The following SHISA7 variants were observed in gnomAD, a reference collection of about 807,000 sequenced individuals.
SHISA7 encodes the protein shisa family member 7.
SHISA7 carries 6 observed loss-of-function variants against 23.9 expected under a neutral mutation model. That is an observed-to-expected ratio of 0.25 (90% CI 0.14 to 0.50). The LOEUF (loss-of-function observed/expected upper bound fraction) is 0.50, where lower values mean the gene tolerates loss of function less well. Ranked by LOEUF, SHISA7 falls within the 20% of genes least tolerant of loss-of-function variation. The probability of loss-of-function intolerance (pLI) is 0.98; values close to 1 mark genes in which losing one functional copy is unlikely to be tolerated. For missense variants in SHISA7, 671 were observed against 801.1 expected (o/e 0.84, Z 1.96); for synonymous variants, 386 against 398.3 (o/e 0.97, Z 0.37).
intron 2 of SHISA7, among the ~76,000 whole-genome samples, chr19:55,439,672 C>T (rs1985549631): frequency 6.6e-6 from 1 of 152,228 alleles, no homozygotes; most frequent in African/African-American, 2.4e-5. Context: ...CTCCTCCAGG[C>T]CTTTGCTCAA....
Position 55,433,823 on chromosome 19 carries a change from G to T in SHISA7, c.977-27C>A. 1 of 1,372,070 alleles carries T rather than the reference G, an allele frequency of 7.3e-7. No homozygotes were observed. Among genetic ancestry groups the T allele is most frequent in the Non-Finnish European group, 9.3e-7 (1 of 1,070,326 alleles). The allele number at this position is 1,372,070 out of a possible 1,614,324, so 85.0% of individuals were successfully genotyped here. A position where few individuals can be genotyped will look rare whatever the true frequency, so the allele number is the denominator to read the frequency against. On this transcript the variant is annotated intron_variant, in intron 3 of 3. Transcript: ENST00000376325. The surrounding 1 kb of genome is among the most constrained non-coding windows in gnomAD (Gnocchi z 8.4). ...TGCGGGGAGAGGGGGAAAAGCCACA[G>T]CCGTGGGTCCCCTGCGCATCTAGAG...
chr19:55,433,336 G>A lies in SHISA7; in HGVS notation c.1437C>T (p.His479=). The change falls in exon 4 of 4, where the codon CAC becomes CAT. Residue 479 remains histidine (H), a synonymous_variant. Transcript: ENST00000376325. The surrounding 1 kb of genome is among the most constrained non-coding windows in gnomAD (Gnocchi z 8.4). The stretch of plus-strand genomic sequence containing the variant: ...GCTGCGGCGAGCCGTGCAGGGCGTG[G>A]TGGTGGTGGGCGTGCAGGCTGGACG... The part of the protein sequence containing the change: ...PPPSSLHAHH[H]HALHGSPQPA... The A allele has an allele frequency of 1.4e-6, 2 of 1,421,116 alleles. No homozygotes were observed. The highest frequency in any genetic ancestry group is 1.5e-5 in the African/African-American group (1 of 66,444). The allele number at this position is 1,421,116 out of a possible 1,614,324, so 88.0% of individuals were successfully genotyped here. A position where few individuals can be genotyped will look rare whatever the true frequency, so the allele number is the denominator to read the frequency against.
At chr19:55,435,178 T>C (rs1451787408) in intron 3 of SHISA7, among the ~76,000 whole-genome samples, 4 of 51,044 alleles carry the variant, frequency 7.8e-5, no homozygotes, top group African/African-American at 3.1e-4. Flanking sequence ...ATGGTGTGTG[T>C]GGTTGTGTGG....
intron 3 of SHISA7, 47 bp downstream of exon 3, chr19:55,437,558 C>A: frequency 6.5e-7 from 1 of 1,537,592 alleles, no homozygotes; most frequent in Non-Finnish European, 8.8e-7. Flanking sequence ...CAGGCTCTGG[C>A]CCCGCCCCCT....
intron 1 of SHISA7, among the ~76,000 whole-genome samples, chr19:55,441,788 C>T (rs765597506): frequency 1.8e-4 from 27 of 152,316 alleles, no homozygotes; most frequent in Admixed American, 9.1e-4. Context: ...TCTCATTGTG[C>T]GGACAGGAAA....
intron 2 of SHISA7, among the ~76,000 whole-genome samples, chr19:55,438,878 C>A (rs958296623): frequency 1.6e-5 from 1 of 63,852 alleles, no homozygotes; most frequent in Non-Finnish European, 2.9e-5. Flanking sequence ...GCACCCCCCC[C>A]CCTGGTGCCC....
rs373883839 is a variant in SHISA7 at position 55,441,457 on chromosome 19, C to T, written c.672-692G>A. Among the ~76,000 whole-genome samples, 302 of 152,386 alleles carry T rather than the reference C, an allele frequency of 2.0e-3. 1 individual carries two copies. The highest frequency in any genetic ancestry group is 6.8e-3 in the African/African-American group (284 of 41,602). On this transcript the variant is annotated intron_variant, in intron 1 of 3. Transcript: ENST00000376325. ...CTGCTGCCCACCGCCGCCAGCTGCACGGGCGCTTCCCTGCCCTGCAGGCCA... is the reference window on the plus strand; with the variant it reads ...CTGCTGCCCACCGCCGCCAGCTGCATGGGCGCTTCCCTGCCCTGCAGGCCA...
Position 55,440,759 on chromosome 19 carries a change from C to T in SHISA7, c.678G>A (p.Leu226=), listed in dbSNP as rs778745638. The part of the protein sequence containing the change: ...AHRDINVPRA[L]VDILRHQAGP... The stretch of plus-strand genomic sequence containing the variant: ...CCGCCTGATGTCTCAGAATGTCCAC[C>T]AGAGCTCTAAAGGTGGCAGAGAGGT... Residue 226 remains leucine (L), a synonymous_variant, in exon 2 of 4, where the codon CTG becomes CTA. Coordinates refer to ENST00000376325, the MANE Select transcript of SHISA7 (RefSeq NM_001145176.2). 2.4e-6 allele frequency: 3 copies of T among 1,243,440 alleles called. No individual in the cohort carries two copies. Among genetic ancestry groups the T allele is most frequent in the Non-Finnish European group, 3.0e-6 (3 of 988,182 alleles). 77.0% of individuals were successfully genotyped at this position (1,243,440 alleles called of 1,614,324 possible). A position where few individuals can be genotyped will look rare whatever the true frequency, so the allele number is the denominator to read the frequency against.
chr19:55,431,066 C>A lies in SHISA7; in HGVS notation c.*2090G>T, dbSNP rs904495782. On this transcript the variant is annotated 3_prime_UTR_variant, in exon 4 of 4. Transcript: ENST00000376325. ...TATGGTGGATCCTAGTGGATGGTGA[C>A]AGCATTGGCTCTCGTGGATCCTGGC... The A allele has an allele frequency of 1.3e-5, 2 of 152,238 alleles. No homozygotes were observed. Among genetic ancestry groups the A allele is most frequent in the Admixed American group, 6.5e-5 (1 of 15,286 alleles). 9.4% of individuals were successfully genotyped at this position (152,238 alleles called of 1,614,324 possible). A position where few individuals can be genotyped will look rare whatever the true frequency, so the allele number is the denominator to read the frequency against.
chr19:55,440,623 T>C lies in SHISA7; in HGVS notation c.814A>G (p.Thr272Ala), dbSNP rs536567647. 1.4e-5 allele frequency: 18 copies of C among 1,249,128 alleles called. No individual in the cohort carries two copies. The highest frequency in any genetic ancestry group is 1.8e-5 in the Non-Finnish European group (18 of 988,082). The allele number at this position is 1,249,128 out of a possible 1,614,324, so 77.4% of individuals were successfully genotyped here. A position where few individuals can be genotyped will look rare whatever the true frequency, so the allele number is the denominator to read the frequency against. ...TPKNLYNTVK[T>A]PNLDWRALPP... ...ACGTTCCACTCACCGAGGTTGGGGG[T>C]CTTCACGGTGTTGTAGAGGTTCTTG... The change falls in exon 2 of 4, where the codon ACC becomes GCC. Residue 272 changes from threonine to alanine, a missense_variant. Thr to Ala is a moderately conservative substitution (Grantham distance 58). Coordinates refer to ENST00000376325, the MANE Select transcript of SHISA7 (RefSeq NM_001145176.2).
rs1339993997 is a variant in SHISA7 at position 55,429,839 on chromosome 19, T to A, written c.*3317A>T. 1 of 152,084 alleles carries A rather than the reference T, an allele frequency of 6.6e-6. No individual in the cohort carries two copies. The highest frequency in any genetic ancestry group is 1.9e-4 in the East Asian group (1 of 5,152). The allele number at this position is 152,084 out of a possible 1,614,324, so 9.4% of individuals were successfully genotyped here. A position where few individuals can be genotyped will look rare whatever the true frequency, so the allele number is the denominator to read the frequency against. On this transcript the variant is annotated 3_prime_UTR_variant, in exon 4 of 4. Transcript: ENST00000376325. ...AGCACCCCTGGTCCCGCAGATGTGC[T>A]GGCAGGGACCATTGCTCTCCAGTGT...
At chr19:55,439,828 C>T (rs191851221) in intron 2 of SHISA7, among the ~76,000 whole-genome samples, 10 of 151,612 alleles carry the variant, frequency 6.6e-5, no homozygotes, top group African/African-American at 1.9e-4. Flanking sequence ...GCCCTTCTAA[C>T]GCCTCTCCTC....
chr19:55,439,661 C>G (rs1985549384), intron 2 of SHISA7, among the ~76,000 whole-genome samples: 1 of 152,230 alleles, frequency 6.6e-6, no homozygotes, highest in South Asian at 2.1e-4. Flanking sequence ...TAACTCCTCT[C>G]CTCCTCCAGG....
rs1400411733 is a variant in SHISA7 at position 55,428,787 on chromosome 19, C to T, written c.*4369G>A. ...CAAAAAATACCAAGTCGCAGCTCCT[C>T]TGGCTGTCCTCACCAGGGAATTAAT... On this transcript the variant is annotated 3_prime_UTR_variant, in exon 4 of 4. Coordinates refer to ENST00000376325, the MANE Select transcript of SHISA7 (RefSeq NM_001145176.2). The T allele has an allele frequency of 6.6e-6, 1 of 152,260 alleles. No homozygotes were observed. The highest frequency in any genetic ancestry group is 2.4e-5 in the African/African-American group (1 of 41,454). 9.4% of individuals were successfully genotyped at this position (152,260 alleles called of 1,614,324 possible).
At position 55,433,164 on chromosome 19, in the gene SHISA7, T is replaced by G. The variant is rs1214271377; in HGVS notation, c.1609A>C (p.Thr537Pro). 2 of 1,521,936 alleles carry G rather than the reference T, an allele frequency of 1.3e-6. No individual in the cohort carries two copies. The highest frequency in any genetic ancestry group is 1.8e-6 in the Non-Finnish European group (2 of 1,139,642). 94.3% of individuals were successfully genotyped at this position (1,521,936 alleles called of 1,614,324 possible). Residue 537 changes from threonine (T) to proline (P), a missense_variant, in exon 4 of 4, where the codon ACT (threonine) becomes CCT (proline). Physicochemically the swap from Thr to Pro is conservative, Grantham distance 38 (BLOSUM62 -1). This residue lies in a region of SHISA7 where 457 missense variants were observed against 488.3 expected (regional missense o/e 0.94). Transcript: ENST00000376325. This position sits in a 1 kb window ranked among gnomAD's most constrained non-coding sequence, Gnocchi z 8.4. ...CAGACCCGGCCCTGGCCTCAGACAG[T>G]CACCTCGTTCTTGCTGGCCGTGCGC... ...HLRTASKNEV[T>P]V
At chr19:55,442,120 C>T in intron 1 of SHISA7, 73 bp downstream of exon 1, 10 of 1,404,778 alleles carry the variant, frequency 7.1e-6, no homozygotes, top group Non-Finnish European at 9.4e-6. Flanking sequence ...AGCCCCTCCT[C>T]CTCGGATGGC....
intron 1 of SHISA7, among the ~76,000 whole-genome samples, chr19:55,441,685 C>A (rs1985601629): frequency 1.3e-5 from 2 of 152,198 alleles, no homozygotes; most frequent in South Asian, 4.1e-4. Flanking sequence ...ACGGACTGGG[C>A]CACTGATAGT....
rs368278290 is a variant in SHISA7 at position 55,435,882 on chromosome 19, C to G, written c.976+1723G>C. On this transcript the variant is annotated intron_variant, in intron 3 of 3. Coordinates refer to ENST00000376325, the MANE Select transcript of SHISA7 (RefSeq NM_001145176.2). ...CATGGGACTCATTTTATAATTTTCT[C>G]TACTCGCATGTATGTTTGCAAATGT... 2.6e-4 allele frequency among the ~76,000 whole-genome samples: 40 copies of G among 152,108 alleles called. No individual in the cohort carries two copies. The East Asian group carries it at 4.1e-3, about 15-fold the overall frequency.
chr19:55,437,114 G>A (rs1394960198), intron 3 of SHISA7, among the ~76,000 whole-genome samples: 1 of 152,100 alleles, frequency 6.6e-6, no homozygotes, highest in Non-Finnish European at 1.5e-5. Context: ...CGGAATTGTT[G>A]GGAGAGACTC....
Sources: gnomAD v4.1 joint callset for allele counts (sites outside exome capture counted in the v4.1 genomes callset) on GRCh38, gnomAD v4.1.1 for gene constraint, gnomAD v4.1.1 regional missense constraint, Gnocchi (gnomAD v3.1) non-coding constraint, MANE v1.5 for transcripts, NCBI Gene and HGNC (gene_info 2026-07-23, HGNC 2026-07-21) for gene names.